The following CMC1 variants were observed in gnomAD, a reference collection of about 807,000 sequenced individuals.
CMC1 encodes the protein COX assembly mitochondrial protein homolog.
Under a neutral mutation model 14.1 loss-of-function variants are expected in CMC1, and 14 were observed. The observed-to-expected ratio is 0.99, with a 90% CI of 0.66 to 1.55. CMC1 has a LOEUF of 1.55. Ranked by LOEUF, CMC1 falls within the 40% of genes most tolerant of loss-of-function variation. The pLI, the probability that CMC1 is intolerant of heterozygous loss-of-function variation, is 0.00. For missense variants in CMC1, 127 were observed against 123.8 expected, an observed-to-expected ratio of 1.03 and a Z score of -0.12; for synonymous variants, 50 against 38.4, an observed-to-expected ratio of 1.30 and a Z score of -1.12.
intron 2 of CMC1, among the ~76,000 whole-genome samples, chr3:28,267,144 T>G (rs947695594): frequency 6.6e-6 from 1 of 152,174 alleles, no homozygotes; most frequent in Non-Finnish European, 1.5e-5. Context: ...CTTCACTAAT[T>G]AAATGATTTA....
chr3:28,280,200 G>A (rs1260808528), intron 2 of CMC1, among the ~76,000 whole-genome samples: 1 of 152,114 alleles, frequency 6.6e-6, no homozygotes, highest in Non-Finnish European at 1.5e-5. Flanking sequence ...TTTATATAGT[G>A]TTTCAGAATA....
chr3:28,263,446 T>A, intron 2 of CMC1, 66 bp downstream of exon 2: 1 of 1,065,646 alleles, frequency 9.4e-7, no homozygotes, highest in Non-Finnish European at 1.4e-6. Flanking sequence ...ATTTAATCCT[T>A]AGCCCCAGAA....
intron 2 of CMC1, chr3:28,315,069 A>T (rs934201308): frequency 1.3e-5 from 2 of 152,278 alleles, no homozygotes; most frequent in Non-Finnish European, 2.9e-5. Flanking sequence ...TTAAGATCTC[A>T]CTTGGAAATA....
chr3:28,284,587 A>T (rs1701074141), intron 2 of CMC1, among the ~76,000 whole-genome samples: 1 of 152,196 alleles, frequency 6.6e-6, no homozygotes, highest in African/African-American at 2.4e-5. Context: ...TAGCCAAAGG[A>T]ACAGAATGTC....
At chr3:28,279,949 G>A (rs936567819) in intron 2 of CMC1, among the ~76,000 whole-genome samples, 2 of 152,102 alleles carry the variant, frequency 1.3e-5, no homozygotes, top group African/African-American at 2.4e-5. Context: ...AACAAAAAAG[G>A]CCTGTATGCT....
At chr3:28,303,550 C>G (rs932171350) in intron 2 of CMC1, among the ~76,000 whole-genome samples, 2 of 151,990 alleles carry the variant, frequency 1.3e-5, no homozygotes, top group Admixed American at 6.6e-5. Flanking sequence ...ACAGCCTTTA[C>G]TAAACTGAAG....
chr3:28,263,767 C>T (rs550351389), intron 2 of CMC1, among the ~76,000 whole-genome samples: 5 of 152,130 alleles, frequency 3.3e-5, no homozygotes, highest in South Asian at 2.1e-4. Context: ...TATATATATT[C>T]TAAGGTGATT....
chr3:28,294,497 A>C (rs1459255975), intron 2 of CMC1: 1 of 967,084 alleles, frequency 1.0e-6, no homozygotes, highest in African/African-American at 1.8e-5. Flanking sequence ...TTCCAAACTA[A>C]GTGGACGAAC....
intron 1 of CMC1, among the ~76,000 whole-genome samples, chr3:28,243,067 T>C (rs1327704783): frequency 6.6e-6 from 1 of 152,028 alleles, no homozygotes; most frequent in Non-Finnish European, 1.5e-5. Flanking sequence ...CTTTTTTTTT[T>C]ATTTTACTGA....
chr3:28,304,398 GAACT>G (rs1161485793), intron 2 of CMC1, among the ~76,000 whole-genome samples: 1 of 151,714 alleles, frequency 6.6e-6, no homozygotes, highest in Non-Finnish European at 1.5e-5. Flanking sequence ...TGGATATAAG[GAACT>G]AACTGTCCTA....
intron 2 of CMC1, among the ~76,000 whole-genome samples, chr3:28,276,139 C>G (rs1700580555): frequency 6.6e-6 from 1 of 152,086 alleles, no homozygotes; most frequent in Non-Finnish European, 1.5e-5. Context: ...AGTGAGAAAA[C>G]CTAGATACCT....
At chr3:28,257,178 T>G (rs1275663716) in intron 1 of CMC1, among the ~76,000 whole-genome samples, 5 of 152,232 alleles carry the variant, frequency 3.3e-5, no homozygotes, top group African/African-American at 9.6e-5. Context: ...AGGTAAAATA[T>G]ACAGTGAAAT....
intron 2 of CMC1, among the ~76,000 whole-genome samples, chr3:28,303,661 T>C (rs1420974091): frequency 6.6e-6 from 1 of 152,074 alleles, no homozygotes; most frequent in African/African-American, 2.4e-5. Flanking sequence ...TTTTAAAATA[T>C]TAGAGTGAGT....
Position 28,321,251 on chromosome 3 carries a change from T to A in CMC1, c.*1622T>A, listed in dbSNP as rs989523569. The A allele has an allele frequency of 6.6e-6, 1 of 151,360 alleles. No homozygotes were observed. Among genetic ancestry groups the A allele is most frequent in the African/African-American group, 2.4e-5 (1 of 41,336 alleles). The allele number at this position is 151,360 out of a possible 1,614,324, so 9.4% of individuals were successfully genotyped here. A position where few individuals can be genotyped will look rare whatever the true frequency, so the allele number is the denominator to read the frequency against. On this transcript the variant is annotated 3_prime_UTR_variant, in exon 4 of 4. Transcript: ENST00000466830. ...TGACCTTTGGTATTGGTGCATTTCCTAGAGCACAGGAAGTTAACTGTTTTT... is the reference window on the plus strand; with the variant it reads ...TGACCTTTGGTATTGGTGCATTTCCAAGAGCACAGGAAGTTAACTGTTTTT...
intron 2 of CMC1, chr3:28,298,361 C>T (rs965994340): frequency 3.3e-5 from 5 of 151,124 alleles, no homozygotes; most frequent in Admixed American, 2.6e-4. Context: ...GTAAGTAACA[C>T]TGATGAATAT....
At chr3:28,289,107 G>C (rs1470123678) in intron 2 of CMC1, among the ~76,000 whole-genome samples, 8 of 150,416 alleles carry the variant, frequency 5.3e-5, no homozygotes, top group Non-Finnish European at 1.5e-5. Flanking sequence ...TGTTCTTTGA[G>C]GTTTTTTTTA....
intron 1 of CMC1, among the ~76,000 whole-genome samples, chr3:28,251,719 A>C (rs184679352): frequency 3.2e-4 from 48 of 152,356 alleles, no homozygotes; most frequent in Middle Eastern, 3.4e-3. Flanking sequence ...TAGGAATTCT[A>C]TGAAATATTG....
At chr3:28,309,355 A>G (rs374708254) in intron 2 of CMC1, among the ~76,000 whole-genome samples, 3 of 152,096 alleles carry the variant, frequency 2.0e-5, no homozygotes, top group East Asian at 1.9e-4. Flanking sequence ...TTCATATGCT[A>G]TTCCTTTTTG....
chr3:28,254,859 A>G (rs1484719904), intron 1 of CMC1, among the ~76,000 whole-genome samples: 1 of 152,248 alleles, frequency 6.6e-6, no homozygotes, highest in Admixed American at 6.5e-5. Context: ...TTTAGTAATT[A>G]CACTGAATAG....
Sources: allele counts gnomAD v4.1 joint callset (sites outside exome capture counted in the v4.1 genomes callset), GRCh38; gene constraint gnomAD v4.1.1; transcripts MANE v1.5; gene names NCBI Gene and HGNC (gene_info 2026-07-23, HGNC 2026-07-21).